Variants in POLR3G observed in about 807,000 individuals in gnomAD.
The protein encoded by POLR3G is RNA polymerase III subunit G.
POLR3G carries 28 observed loss-of-function variants against 30.1 expected under a neutral mutation model. That is an observed-to-expected ratio of 0.93 (90% CI 0.69 to 1.27). The LOEUF is 1.27. Among genes scored for constraint, POLR3G ranks in the 50% most tolerant of loss-of-function variants. POLR3G has a pLI of 0.00. For synonymous variants in POLR3G, 79 were observed against 82.5 expected (o/e 0.96, Z 0.23); for missense variants, 254 against 264.6 (o/e 0.96, Z 0.28).
At chr5:90,475,837 G>C (rs964208037) in intron 1 of POLR3G, among the ~76,000 whole-genome samples, 5 of 152,118 alleles carry the variant, frequency 3.3e-5, no homozygotes, top group African/African-American at 1.2e-4. Flanking sequence ...TCAGCCTCCC[G>C]AGGAGCTGAG....
chr5:90,493,854 C>T (rs1374882229), intron 3 of POLR3G, among the ~76,000 whole-genome samples: 6 of 151,268 alleles, frequency 4.0e-5, no homozygotes, highest in South Asian at 2.1e-4. Context: ...ATTACAGGCA[C>T]GTGCCACCAC....
At chr5:90,491,298 G>A (rs926440557) in intron 3 of POLR3G, among the ~76,000 whole-genome samples, 6 of 152,174 alleles carry the variant, frequency 3.9e-5, no homozygotes, top group South Asian at 2.1e-4. Flanking sequence ...ATAAGAGATC[G>A]TCTAGTCTAG....
upstream of POLR3G, chr5:90,474,187 G>C (rs766243313): frequency 1.2e-6 from 2 of 1,608,384 alleles, no homozygotes; most frequent in African/African-American, 1.3e-5. Context: ...TCGGAGCCGC[G>C]CACCAGCCAG....
intron 3 of POLR3G, among the ~76,000 whole-genome samples, chr5:90,490,255 AG>A (rs1751650648): frequency 6.7e-6 from 1 of 149,678 alleles, no homozygotes; most frequent in Admixed American, 6.7e-5. Context: ...TATGCAATAA[AG>A]TATTTCAAAA....
rs1276846504 is a variant in POLR3G at position 90,495,831 on chromosome 5, A to C, written c.304+98A>C. Reference sequence around the variant, plus strand: ...ATAAGTTTTCTATTTTTACCATAGGAAAACTGAGTCTGGTTCTTTTATTGT... The same window carrying C: ...ATAAGTTTTCTATTTTTACCATAGGCAAACTGAGTCTGGTTCTTTTATTGT... On this transcript the variant is annotated intron_variant, in intron 4 of 7. Transcript: ENST00000651687. The C allele has an allele frequency of 2.8e-6, 4 of 1,408,704 alleles. No homozygotes were observed. In the African/African-American group the frequency reaches 6.0e-5, roughly 21 times the overall value. 87.3% of individuals were successfully genotyped at this position (1,408,704 alleles called of 1,614,324 possible).
rs1457499823 is a variant in POLR3G at position 90,480,425 on chromosome 5, T to TCCTA, written c.-43-5100_-43-5099insCCTA. Among the ~76,000 whole-genome samples the TCCTA allele has an allele frequency of 3.8e-3, 583 of 152,334 alleles. 4 individuals are homozygous for TCCTA. The highest frequency in any genetic ancestry group is 0.013 in the African/African-American group (536 of 41,582). On this transcript the variant is annotated intron_variant, in intron 1 of 7. Transcript: ENST00000651687. ...TGGAATGCCACATAATTATTAAATG[T>TCCTA]GTCAAAAGCTAGGAAGTTTTTCTGG... is the stretch of plus-strand genomic sequence containing the variant.
chr5:90,495,333 T>G (rs567173349), intron 3 of POLR3G, among the ~76,000 whole-genome samples: 108 of 152,298 alleles, frequency 7.1e-4, no homozygotes, highest in South Asian at 2.1e-3. Flanking sequence ...GTTTGTGCCC[T>G]CCTTAAGGGT....
At chr5:90,511,465 A>G (rs776396447) in intron 7 of POLR3G, among the ~76,000 whole-genome samples, 4 of 152,198 alleles carry the variant, frequency 2.6e-5, no homozygotes, top group Non-Finnish European at 5.9e-5. Flanking sequence ...AATAAATAAG[A>G]AAGTAATATT....
At chr5:90,489,944 T>C (rs1004330616) in intron 3 of POLR3G, among the ~76,000 whole-genome samples, 2 of 151,990 alleles carry the variant, frequency 1.3e-5, no homozygotes, top group African/African-American at 4.8e-5. Context: ...CTGTCTCTAT[T>C]AAAAATACAA....
intron 6 of POLR3G, among the ~76,000 whole-genome samples, chr5:90,503,133 G>A (rs1304696670): frequency 2.6e-5 from 4 of 152,118 alleles, no homozygotes; most frequent in Non-Finnish European, 4.4e-5. Context: ...ACACTTTATT[G>A]AAACTTATTC....
intron 7 of POLR3G, among the ~76,000 whole-genome samples, chr5:90,511,369 C>A (rs905467396): frequency 6.6e-6 from 1 of 152,132 alleles, no homozygotes; most frequent in Non-Finnish European, 1.5e-5. Flanking sequence ...CAAATACAAT[C>A]CATACATTGC....
intron 2 of POLR3G, among the ~76,000 whole-genome samples, chr5:90,487,120 A>G (rs1340604580): frequency 1.3e-5 from 2 of 152,168 alleles, no homozygotes; most frequent in Non-Finnish European, 2.9e-5. Flanking sequence ...TGCAGCTTCA[A>G]ACTCCATCTT....
chr5:90,478,412 C>G (rs1750944657), intron 1 of POLR3G, among the ~76,000 whole-genome samples: 2 of 152,120 alleles, frequency 1.3e-5, no homozygotes, highest in South Asian at 4.2e-4. Flanking sequence ...CAGCCTAGAC[C>G]TATGCTTCCT....
In POLR3G at chr5:90,488,186, T is replaced by A. The variant is rs887358363; in HGVS notation, c.247+57T>A. ...TAATGTATACAGATGAAACAGTGTTTAAGCACAAGATATATAATCATTTAA... is the reference window on the plus strand; with the variant it reads ...TAATGTATACAGATGAAACAGTGTTAAAGCACAAGATATATAATCATTTAA... On this transcript the variant is annotated intron_variant, in intron 3 of 7. Transcript: ENST00000651687. 86 of 1,355,114 alleles carry A rather than the reference T, an allele frequency of 6.3e-5. No homozygotes were observed. In the Admixed American group the frequency reaches 6.6e-4, roughly 10 times the overall value. 83.9% of individuals were successfully genotyped at this position (1,355,114 alleles called of 1,614,324 possible).
At chr5:90,474,310 C>G (rs771647364), upstream of POLR3G, 1 of 1,609,422 alleles carries the variant, frequency 6.2e-7, no homozygotes, top group Non-Finnish European at 8.5e-7. Context: ...AGGGGTGCAG[C>G]CAGGCGGGGT....
In POLR3G at chr5:90,512,106, C is replaced by T; in HGVS notation, c.639C>T (p.Asp213=). The change falls in exon 8 of 8, where the codon GAC becomes GAT. Residue 213 remains aspartate, a synonymous_variant. Coordinates refer to ENST00000651687, the MANE Select transcript of POLR3G (RefSeq NM_006467.3). ...AAGATGGAGATGATTTTGGCGCAGA[C>T]AGTGATGACAACATGGATGAGGCAA... ...YFEDGDDFGA[D]SDDNMDEATY 1 of 1,609,170 alleles carries T rather than the reference C, an allele frequency of 6.2e-7. No homozygotes were observed.
At chr5:90,488,692 A>G (rs1201103156) in intron 3 of POLR3G, among the ~76,000 whole-genome samples, 2 of 152,192 alleles carry the variant, frequency 1.3e-5, no homozygotes, top group South Asian at 2.1e-4. Flanking sequence ...ATCATTATAC[A>G]TAAACCTTTA....
At chr5:90,484,003 T>G (rs183696950) in intron 1 of POLR3G, among the ~76,000 whole-genome samples, 2 of 152,176 alleles carry the variant, frequency 1.3e-5, no homozygotes, top group Admixed American at 1.3e-4. Context: ...CAACTACTCC[T>G]TAGTAGCTAA....
In POLR3G at chr5:90,513,109, C is replaced by T. The variant is rs1231051805; in HGVS notation, c.*970C>T. ...TTAACTTTAAAGCTAGCTCCCCTAA[C>T]TTTATATATTTTTTGGGAAAAAATA... On this transcript the variant is annotated 3_prime_UTR_variant, in exon 8 of 8. Transcript: ENST00000651687. 6.6e-6 allele frequency: 1 copy of T among 152,316 alleles called. No homozygotes were observed. The highest frequency in any genetic ancestry group is 1.9e-4 in the East Asian group (1 of 5,198). 9.4% of individuals were successfully genotyped at this position (152,316 alleles called of 1,614,324 possible).
Sources: allele counts gnomAD v4.1 joint callset (sites outside exome capture counted in the v4.1 genomes callset), GRCh38; gene constraint gnomAD v4.1.1; transcripts MANE v1.5; gene names NCBI Gene and HGNC (gene_info 2026-07-23, HGNC 2026-07-21).